Variants in DMD observed in about 807,000 individuals in gnomAD.
DMD encodes the protein dystrophin, also known as mutant dystrophin.
A neutral mutation model predicts 330.1 loss-of-function variants in DMD; 63 were observed. The observed-to-expected ratio is 0.19, with a 90% CI of 0.16 to 0.24. The LOEUF (loss-of-function observed/expected upper bound fraction) is 0.24. DMD is among the 10% of genes least tolerant of loss of function. The pLI is 1.00. For missense variants in DMD, 3,344 were observed against 2,684.1 expected (o/e 1.25, Z -5.43); for synonymous variants, 1,223 against 959.8 (o/e 1.27, Z -5.07).
At chrX:32,399,369 G>A (rs915209822) in intron 30 of DMD, among the ~76,000 whole-genome samples, 1 of 111,516 alleles carries the variant, frequency 9.0e-6, no homozygotes, top group African/African-American at 3.3e-5. Context: ...AATATATAAA[G>A]AGCTCAAACA....
chrX:31,705,540 A>G (rs1471005316), intron 52 of DMD, among the ~76,000 whole-genome samples: 1 of 112,991 alleles, frequency 8.9e-6, no homozygotes, highest in Non-Finnish European at 1.9e-5. Context: ...TTCTTCCACA[A>G]TACAGGCTGC....
intron 1 of DMD, among the ~76,000 whole-genome samples, chrX:33,320,551 T>C (rs943155780): frequency 7.1e-5 from 8 of 112,457 alleles, no homozygotes; most frequent in Non-Finnish European, 1.3e-4. Flanking sequence ...TCTGAGCCTT[T>C]AGTGAGTTGT....
At chrX:31,641,520 AAAGGAAT>A (rs1378632602) in intron 54 of DMD, among the ~76,000 whole-genome samples, 1 of 109,361 alleles carries the variant, frequency 9.1e-6, no homozygotes, top group East Asian at 2.9e-4. Flanking sequence ...AAAAAAAAAA[AAAGGAAT>A]AAGGAGAGAG....
chrX:32,343,168 C>G lies in DMD; in HGVS notation c.5705G>C (p.Ser1902Thr). The G allele has an allele frequency of 8.3e-7, 1 of 1,210,786 alleles. No individual in the cohort carries two copies. The highest frequency in any genetic ancestry group is 3.0e-5 in the East Asian group (1 of 33,786). The part of the protein sequence containing the change: ...CLDDIEKKLA[S>T]LPEPRDERKI... ...CCTTTCATCTCTGGGCTCAGGTAGG[C>G]TGGCTAATTTTTTTTCAATGTCATC... The change falls in exon 40 of 79, where the codon AGC becomes ACC. Residue 1902 changes from serine to threonine, a missense_variant. Physicochemically the swap from Ser to Thr is moderately conservative, Grantham distance 58 (BLOSUM62 1). Coordinates refer to ENST00000357033, the MANE Select transcript of DMD (RefSeq NM_004006.3).
intron 63 of DMD, among the ~76,000 whole-genome samples, chrX:31,236,353 C>T (rs1166909610): frequency 1.8e-5 from 2 of 112,435 alleles, no homozygotes; most frequent in African/African-American, 6.5e-5. Flanking sequence ...CTCTAACTGA[C>T]ATGTTAATTG....
At chrX:31,497,465 C>T (rs893763305) in intron 56 of DMD, among the ~76,000 whole-genome samples, 1 of 111,639 alleles carries the variant, frequency 9.0e-6, no homozygotes, top group African/African-American at 3.3e-5. Flanking sequence ...TTTCCCCCTA[C>T]CCTTCTTTAT....
At chrX:33,142,979 G>A (rs1247688851) in intron 1 of DMD, among the ~76,000 whole-genome samples, 2 of 111,427 alleles carry the variant, frequency 1.8e-5, no homozygotes, top group African/African-American at 6.5e-5. Flanking sequence ...AATAGTCATA[G>A]CTATGAACTA....
At chrX:31,710,887 TATC>T (rs2084578860) in intron 52 of DMD, among the ~76,000 whole-genome samples, 1 of 111,525 alleles carries the variant, frequency 9.0e-6, no homozygotes, top group Non-Finnish European at 1.9e-5. Context: ...AAATGATTTA[TATC>T]ATCATTTTTT....
chrX:32,912,030 G>GGAGAGA (rs58167255), intron 2 of DMD, among the ~76,000 whole-genome samples: 1 of 64,720 alleles, frequency 1.5e-5, no homozygotes, highest in Admixed American at 1.5e-4. Context: ...GGAGAGAAGG[G>GGAGAGA]GAGAGAGAGA....
chrX:32,397,199 G>A (rs905513907), intron 30 of DMD, among the ~76,000 whole-genome samples: 14 of 111,430 alleles, frequency 1.3e-4, no homozygotes, highest in African/African-American at 4.2e-4. Flanking sequence ...AGATGTGAGG[G>A]ATGTATAATT....
intron 44 of DMD, among the ~76,000 whole-genome samples, chrX:32,127,584 T>C (rs779806066): frequency 1.6e-4 from 18 of 111,628 alleles, no homozygotes; most frequent in Non-Finnish European, 3.2e-4. Flanking sequence ...CTGCACAAAT[T>C]AGAATGGATC....
intron 65 of DMD, among the ~76,000 whole-genome samples, chrX:31,209,185 T>C (rs944143608): frequency 9.0e-6 from 1 of 111,490 alleles, no homozygotes; most frequent in Non-Finnish European, 1.9e-5. Context: ...CTGAAGTGCA[T>C]GGAAGAATTC....
chrX:33,243,052 G>C (rs1471550458), intron 1 of DMD, among the ~76,000 whole-genome samples: 5 of 111,881 alleles, frequency 4.5e-5, no homozygotes, highest in African/African-American at 1.3e-4. Flanking sequence ...TGTGTTGTCT[G>C]TTTGTTTACT....
At chrX:32,774,067 C>T (rs1310971175) in intron 7 of DMD, among the ~76,000 whole-genome samples, 2 of 111,298 alleles carry the variant, frequency 1.8e-5, no homozygotes, top group Non-Finnish European at 3.8e-5. Context: ...AAGATACACT[C>T]GCACAACAGT....
Position 31,310,892 on chromosome X carries a change from A to G in DMD, c.9224+12706T>C, listed in dbSNP as rs187166144. ...AGATTTTTCTTAATCTTCAGAAAAC[A>G]TAAGCCATTATTTATCTTCAAAAAC... On this transcript the variant is annotated intron_variant, in intron 62 of 78. Coordinates refer to ENST00000357033, the MANE Select transcript of DMD (RefSeq NM_004006.3). 9.8e-4 allele frequency among the ~76,000 whole-genome samples: 109 copies of G among 111,141 alleles called. 2 individuals are homozygous for G. The highest frequency in any genetic ancestry group is 3.4e-3 in the African/African-American group (105 of 30,537).
At chrX:31,620,528 C>T (rs1272649872) in intron 55 of DMD, among the ~76,000 whole-genome samples, 1 of 108,332 alleles carries the variant, frequency 9.2e-6, no homozygotes, top group Non-Finnish European at 1.9e-5. Flanking sequence ...GATTCTCCTG[C>T]CTCTGCCTCC....
chrX:32,315,792 C>T (rs1233198430), intron 41 of DMD, among the ~76,000 whole-genome samples: 2 of 111,430 alleles, frequency 1.8e-5, no homozygotes, highest in African/African-American at 6.5e-5. Context: ...AACTAAAAAC[C>T]ATTTTCACCT....
chrX:31,615,048 A>G (rs2078122725), intron 55 of DMD, among the ~76,000 whole-genome samples: 1 of 111,757 alleles, frequency 8.9e-6, no homozygotes, highest in South Asian at 3.7e-4. Flanking sequence ...AGTGATTGTT[A>G]CCTATCACAT....
intron 54 of DMD, among the ~76,000 whole-genome samples, chrX:31,656,335 G>A (rs974393825): frequency 2.8e-4 from 31 of 112,095 alleles, no homozygotes; most frequent in African/African-American, 9.4e-4. Flanking sequence ...GAAGAATCCA[G>A]AGACCTTGAT....
Sources: gnomAD v4.1 joint callset for allele counts (sites outside exome capture counted in the v4.1 genomes callset) on GRCh38, gnomAD v4.1.1 for gene constraint, MANE v1.5 for transcripts, NCBI Gene and HGNC (gene_info 2026-07-23, HGNC 2026-07-21) for gene names.